Variants in TMEM272 observed in about 807,000 individuals in gnomAD.
TMEM272 encodes long intergenic non-protein coding RNA 282.
Under a neutral mutation model 3.7 loss-of-function variants are expected in TMEM272, and 8 were observed. The observed-to-expected ratio is 2.17, with a 90% CI of 1.27 to 3.91. The LOEUF is 3.91. TMEM272 is among the 30% of genes most tolerant of loss of function. TMEM272 has a pLI of 0.00. For synonymous variants in TMEM272, 63 were observed against 39.8 expected, an observed-to-expected ratio of 1.58 and a Z score of -2.20; for missense variants, 166 against 91.5, an observed-to-expected ratio of 1.81 and a Z score of -3.32.
At chr13:51,912,500 T>C in the TMEM272 span, among the ~76,000 whole-genome samples, 1 of 152,230 alleles carries the variant, frequency 6.6e-6, no homozygotes, top group Non-Finnish European at 1.5e-5. Context: ...AGGGTTTATG[T>C]GGTACACCCC....
chr13:51,897,362 A>ATTCTTTT, the TMEM272 span, among the ~76,000 whole-genome samples: 1 of 82,408 alleles, frequency 1.2e-5, no homozygotes, highest in Non-Finnish European at 2.4e-5. Context: ...TGTCTGGCTA[A>ATTCTTTT]TTTTTTTTTT....
chr13:51,913,124 A>C, the TMEM272 span, among the ~76,000 whole-genome samples: 1 of 152,168 alleles, frequency 6.6e-6, no homozygotes, highest in Non-Finnish European at 1.5e-5. Context: ...TGTTATCCTA[A>C]AGCTAACGCT....
chr13:51,836,806 AGG>A (rs1408484080), intron 2 of TMEM272, among the ~76,000 whole-genome samples: 1 of 149,896 alleles, frequency 6.7e-6, no homozygotes, highest in East Asian at 1.9e-4. Flanking sequence ...TGGAAGGCCC[AGG>A]GGGAAAACAG....
the TMEM272 span, among the ~76,000 whole-genome samples, chr13:51,889,229 C>T: frequency 6.6e-6 from 1 of 152,116 alleles, no homozygotes; most frequent in Non-Finnish European, 1.5e-5. Flanking sequence ...TTCTAAAAGG[C>T]TTTTCTAAAA....
chr13:51,843,911 A>G (rs1956281952), intron 1 of TMEM272, among the ~76,000 whole-genome samples: 1 of 152,214 alleles, frequency 6.6e-6, no homozygotes, highest in South Asian at 2.1e-4. Flanking sequence ...GATATATCTC[A>G]GTGGTTCTCA....
the TMEM272 span, among the ~76,000 whole-genome samples, chr13:51,860,818 A>ATGTGT: frequency 6.9e-6 from 1 of 144,200 alleles, no homozygotes; most frequent in African/African-American, 2.6e-5. Flanking sequence ...TATATATAGA[A>ATGTGT]GTGTGTGTGT....
the TMEM272 span, among the ~76,000 whole-genome samples, chr13:51,887,201 G>C: frequency 6.6e-6 from 1 of 152,178 alleles, no homozygotes; most frequent in Non-Finnish European, 1.5e-5. Flanking sequence ...TTATGGGGGA[G>C]TTGATAGTTG....
chr13:51,901,442 C>A, the TMEM272 span, among the ~76,000 whole-genome samples: 1 of 145,482 alleles, frequency 6.9e-6, no homozygotes. Context: ...CCCGCCCTCC[C>A]ATGCCTCACA....
chr13:51,890,248 A>G, the TMEM272 span, among the ~76,000 whole-genome samples: 2 of 152,214 alleles, frequency 1.3e-5, no homozygotes, highest in Admixed American at 6.5e-5. Context: ...GATCTCCAAT[A>G]TTGGAGGTGG....
chr13:51,841,604 A>AT (rs1475306466), intron 1 of TMEM272, among the ~76,000 whole-genome samples: 1 of 152,336 alleles, frequency 6.6e-6, no homozygotes, highest in South Asian at 2.1e-4. Flanking sequence ...CTGCATATAC[A>AT]TTTTTTAATG....
chr13:51,915,177 G>A, the TMEM272 span, among the ~76,000 whole-genome samples: 1 of 152,178 alleles, frequency 6.6e-6, no homozygotes, highest in Non-Finnish European at 1.5e-5. Flanking sequence ...TTGGGGCTCT[G>A]ATTGACTTTT....
At chr13:51,909,437 G>A in the TMEM272 span, 1 of 868,492 alleles carries the variant, frequency 1.2e-6, no homozygotes, top group Admixed American at 1.8e-5. Flanking sequence ...TTAATTTCCT[G>A]TAGAGTTTCA....
the TMEM272 span, among the ~76,000 whole-genome samples, chr13:51,873,472 G>A: frequency 6.6e-6 from 1 of 152,180 alleles, no homozygotes; most frequent in Non-Finnish European, 1.5e-5. Context: ...TTTTAAAGTA[G>A]TAAGATAAGC....
chr13:51,842,069 C>A (rs1278457093), intron 1 of TMEM272, among the ~76,000 whole-genome samples: 2 of 152,162 alleles, frequency 1.3e-5, no homozygotes, highest in African/African-American at 4.8e-5. Context: ...TGACCTCGTG[C>A]ATGTAATAAT....
At chr13:51,909,069 G>C in the TMEM272 span, 5 of 1,479,056 alleles carry the variant, frequency 3.4e-6, no homozygotes, top group Non-Finnish European at 4.7e-6. Flanking sequence ...CAATGGTGAG[G>C]GACCATATGA....
intron 3 of TMEM272, 113 bp from the exon 4 acceptor site, chr13:51,822,250 T>TA: frequency 1.6e-6 from 1 of 607,570 alleles, no homozygotes; most frequent in Non-Finnish European, 2.9e-6. Context: ...ATGCAAACCA[T>TA]ATGCTTGTGG....
the TMEM272 span, among the ~76,000 whole-genome samples, chr13:51,896,127 C>G: frequency 3.3e-5 from 5 of 152,306 alleles, no homozygotes; most frequent in East Asian, 9.7e-4. Context: ...AACTTTGGCA[C>G]AGGAAAGTCC....
chr13:51,847,223 AG>A (rs1956311768), upstream of TMEM272, among the ~76,000 whole-genome samples: 1 of 152,188 alleles, frequency 6.6e-6, no homozygotes, highest in Non-Finnish European at 1.5e-5. Flanking sequence ...ACTGGTCCCT[AG>A]CCTTTTAGGA....
chr13:51,895,573 A>G, the TMEM272 span, among the ~76,000 whole-genome samples: 28 of 152,134 alleles, frequency 1.8e-4, no homozygotes, highest in East Asian at 2.9e-3. Flanking sequence ...TTATCCATCT[A>G]CCTGTGGGAC....
Sources: allele counts gnomAD v4.1 joint callset (sites outside exome capture counted in the v4.1 genomes callset), GRCh38; gene constraint gnomAD v4.1.1; transcripts MANE v1.5; gene names NCBI Gene and HGNC (gene_info 2026-07-23, HGNC 2026-07-21).